NBPF11: variants seen among roughly 807,000 people sequenced by gnomAD.
The protein encoded by NBPF11 is NBPF member 11.
NBPF11 carries 72 observed loss-of-function variants against 93.9 expected under a neutral mutation model. The ratio of observed to expected loss-of-function variants is 0.77; its 90% CI spans 0.63 to 0.93. The LOEUF (loss-of-function observed/expected upper bound fraction) is 0.93. NBPF11 is among the 40% of genes least tolerant of loss of function. The pLI is 0.00. For synonymous variants in NBPF11, 224 were observed against 304.9 expected, an observed-to-expected ratio of 0.73 and a Z score of 2.76; for missense variants, 705 against 802.2, an observed-to-expected ratio of 0.88 and a Z score of 1.46.
chr1:148,117,171 G>A (rs1355675219), intron 12 of NBPF11, among the ~76,000 whole-genome samples: 2 of 151,774 alleles, frequency 1.3e-5, no homozygotes, highest in Non-Finnish European at 1.5e-5. Flanking sequence ...CATGGAGAGA[G>A]AGAAACTCAG....
At chr1:148,121,514 A>T (rs1667853383) in intron 9 of NBPF11, among the ~76,000 whole-genome samples, 2 of 150,090 alleles carry the variant, frequency 1.3e-5, no homozygotes, top group East Asian at 2.0e-4. Flanking sequence ...CGCCCAGCTA[A>T]TTTCTTTTTT....
At chr1:148,145,217 T>C (rs1672810461) in intron 1 of NBPF11, among the ~76,000 whole-genome samples, 1 of 133,928 alleles carries the variant, frequency 7.5e-6, no homozygotes, top group Admixed American at 7.2e-5. Context: ...TTTTTTTTTT[T>C]TTTTTTTGGT....
intron 7 of NBPF11, among the ~76,000 whole-genome samples, chr1:148,123,119 G>A (rs1303010218): frequency 2.0e-5 from 3 of 151,980 alleles, no homozygotes; most frequent in Non-Finnish European, 4.4e-5. Flanking sequence ...CTGATTCCCA[G>A]GAACAGGCTT....
chr1:148,128,671 AG>A (rs1445854731), intron 4 of NBPF11, among the ~76,000 whole-genome samples: 3 of 118,206 alleles, frequency 2.5e-5, no homozygotes, highest in Non-Finnish European at 3.4e-5. Context: ...TACAGTATCT[AG>A]TCTAAGAAAT....
In NBPF11 at chr1:148,120,496, C is replaced by T. The variant is rs1196411228; in HGVS notation, c.988+5G>A. The T allele has an allele frequency of 1.1e-6, 1 of 909,016 alleles. No individual in the cohort carries two copies. 56.3% of individuals were successfully genotyped at this position (909,016 alleles called of 1,614,324 possible). On this transcript the variant is annotated splice_donor_5th_base_variant and intron_variant, in intron 10 of 23. Coordinates refer to ENST00000682118, the MANE Select transcript of NBPF11 (RefSeq NM_001385469.3). ...CTTTCGTGATGGTGAGCATATAGAT[C>T]TTACTGTATTTGTTCTGCTGCTTGG...
chr1:148,106,548 A>T lies in NBPF11; in HGVS notation c.2252-316T>A, dbSNP rs1429275388. 1.0e-4 allele frequency among the ~76,000 whole-genome samples: 14 copies of T among 133,588 alleles called. 1 individual carries two copies. The highest frequency in any genetic ancestry group is 5.9e-4 in the Admixed American group (8 of 13,446). 87.6% of individuals were successfully genotyped at this position (133,588 alleles called of 152,430 possible). A position where few individuals can be genotyped will look rare whatever the true frequency, so the allele number is the denominator to read the frequency against. On this transcript the variant is annotated intron_variant, in intron 20 of 23. Transcript: ENST00000682118. ...CCAGAGGATTTCTAGGAGGAAAACT[A>T]AAGTATTCAGCCCTGTCTCATCAAA...
At chr1:148,145,095 C>T (rs1672779432) in intron 1 of NBPF11, among the ~76,000 whole-genome samples, 1 of 147,654 alleles carries the variant, frequency 6.8e-6, no homozygotes, top group South Asian at 2.1e-4. Flanking sequence ...AGAGTAAGAC[C>T]CTGTCTGAAA....
chr1:148,149,336 C>A, intron 1 of NBPF11: 3 of 1,597,154 alleles, frequency 1.9e-6, no homozygotes, highest in Non-Finnish European at 2.5e-6. Context: ...CGACGCCTTC[C>A]CTAACATCGA....
chr1:148,138,374 C>A (rs1397702083), intron 2 of NBPF11, among the ~76,000 whole-genome samples: 1 of 151,550 alleles, frequency 6.6e-6, no homozygotes, highest in Middle Eastern at 3.2e-3. Flanking sequence ...TCCTCCTCAG[C>A]ACAGACCCTT....
intron 11 of NBPF11, among the ~76,000 whole-genome samples, chr1:148,118,343 G>T (rs1364754548): frequency 1.3e-5 from 2 of 151,776 alleles, no homozygotes; most frequent in South Asian, 2.1e-4. Context: ...GCTGCTGTGT[G>T]GTTCACACTC....
Position 148,137,741 on chromosome 1 carries a change from C to G in NBPF11, c.-208G>C. 1 of 148,402 alleles carries G rather than the reference C, an allele frequency of 6.7e-6. No homozygotes were observed. Among genetic ancestry groups the G allele is most frequent in the Admixed American group, 6.8e-5 (1 of 14,790 alleles). The allele number at this position is 148,402 out of a possible 1,614,324, so 9.2% of individuals were successfully genotyped here. On this transcript the variant is annotated 5_prime_UTR_variant, in exon 3 of 24. Coordinates refer to ENST00000682118, the MANE Select transcript of NBPF11 (RefSeq NM_001385469.3). ...TGTGGCTGTTCCAGAGCCCTTGCCA[C>G]CTGAAGAAGACAATGAGGGGTATTT...
In NBPF11 at chr1:148,122,776, A is replaced by G; in HGVS notation, c.519T>C (p.Asp173=). ...SPENDEDEDE[D]VQVEEDEKVL... The stretch of plus-strand genomic sequence containing the variant: ...CTTTCTCATCCTCCTCAACTTGAAC[A>G]TCTTCATCCTCATCTTCGTCATTTT... Residue 173 remains aspartate, a synonymous_variant, in exon 8 of 24, where the codon GAT becomes GAC. Coordinates refer to ENST00000682118, the MANE Select transcript of NBPF11 (RefSeq NM_001385469.3). 4 of 1,610,004 alleles carry G rather than the reference A, an allele frequency of 2.5e-6. No individual in the cohort carries two copies. The highest frequency in any genetic ancestry group is 3.4e-6 in the Non-Finnish European group (4 of 1,177,682).
intron 9 of NBPF11, among the ~76,000 whole-genome samples, chr1:148,121,639 C>T (rs1204844375): frequency 8.6e-5 from 13 of 151,668 alleles, no homozygotes; most frequent in Admixed American, 1.3e-4. Context: ...ACAGGTGTGA[C>T]CCACTGCGCC....
At chr1:148,145,201 CTTTTTTTTTTTTT>C (rs1190949525) in intron 1 of NBPF11, among the ~76,000 whole-genome samples, 1 of 75,608 alleles carries the variant, frequency 1.3e-5, no homozygotes, top group East Asian at 4.9e-4. Context: ...TTTTTTCTTT[CTTTTTTTTTTTTT>C]TTTTTTTTTT....
chr1:148,107,493 C>T (rs1663999991), intron 19 of NBPF11, among the ~76,000 whole-genome samples: 1 of 152,034 alleles, frequency 6.6e-6, no homozygotes, highest in African/African-American at 2.4e-5. Context: ...TGCCATACGG[C>T]CTTTGAGGTA....
intron 5 of NBPF11, among the ~76,000 whole-genome samples, chr1:148,126,177 T>C (rs1357644322): frequency 2.6e-5 from 4 of 151,908 alleles, no homozygotes; most frequent in African/African-American, 4.9e-5. Context: ...CTTTTTGTAT[T>C]TTTAGTGGAG....
In NBPF11 at chr1:148,147,050, A is replaced by C. The variant is rs1412738973; in HGVS notation, c.-548-3364T>G. On this transcript the variant is annotated intron_variant, in intron 1 of 23. Transcript: ENST00000682118. Reference sequence around the variant, plus strand: ...AGGAGGGGAGCCACAGTGGATGCACAGGGCCAGAGAGCCGGACAGGCGAGC... The same window carrying C: ...AGGAGGGGAGCCACAGTGGATGCACCGGGCCAGAGAGCCGGACAGGCGAGC... 8.4e-6 allele frequency: 8 copies of C among 948,738 alleles called. No homozygotes were observed. In the Admixed American group the frequency reaches 2.0e-4, roughly 24 times the overall value. The allele number at this position is 948,738 out of a possible 1,614,324, so 58.8% of individuals were successfully genotyped here. A position where few individuals can be genotyped will look rare whatever the true frequency, so the allele number is the denominator to read the frequency against.
At chr1:148,129,058 T>TA (rs1192414408) in intron 4 of NBPF11, among the ~76,000 whole-genome samples, 8 of 144,046 alleles carry the variant, frequency 5.6e-5, no homozygotes, top group Non-Finnish European at 1.2e-4. Flanking sequence ...AATGACGAGT[T>TA]AATGGGTGCA....
Position 148,150,668 on chromosome 1 carries a change from C to T in NBPF11, c.-549+1082G>A, listed in dbSNP as rs1361388010. On this transcript the variant is annotated intron_variant, in intron 1 of 23. Transcript: ENST00000682118. The stretch of plus-strand genomic sequence containing the variant: ...CGTGAAGCACTGGTATTCATTCTTT[C>T]GGCAAAGAAAGGATGAACAACACTG... Among the ~76,000 whole-genome samples the T allele has an allele frequency of 2.2e-4, 33 of 151,542 alleles. No individual in the cohort carries two copies. The East Asian group carries it at 3.5e-3, about 16-fold the overall frequency.
Sources: allele counts gnomAD v4.1 joint callset (sites outside exome capture counted in the v4.1 genomes callset), GRCh38; gene constraint gnomAD v4.1.1; transcripts MANE v1.5; gene names NCBI Gene and HGNC (gene_info 2026-07-23, HGNC 2026-07-21).